Variants in MAPK10 observed in about 807,000 individuals in gnomAD.
The protein encoded by MAPK10 is mitogen-activated protein kinase 10.
MAPK10 carries 25 observed loss-of-function variants against 59.3 expected under a neutral mutation model. The observed-to-expected ratio is 0.42, with a 90% CI of 0.31 to 0.59. The LOEUF (loss-of-function observed/expected upper bound fraction) is 0.59, where lower values mean the gene tolerates loss of function less well. MAPK10 is among the 20% of genes least tolerant of loss of function. The probability of loss-of-function intolerance (pLI) is 0.15; values close to 1 mark genes in which losing one functional copy is unlikely to be tolerated. For synonymous variants in MAPK10, 190 were observed against 200.5 expected (o/e 0.95, Z 0.44); for missense variants, 351 against 568.9 (o/e 0.62, Z 3.90).
intron 1 of MAPK10, among the ~76,000 whole-genome samples, chr4:86,585,247 T>C (rs1159062228): frequency 6.6e-6 from 1 of 152,164 alleles, no homozygotes; most frequent in Non-Finnish European, 1.5e-5. Flanking sequence ...GCAGTAGTAA[T>C]CTCTCTTCAT....
At chr4:86,376,387 G>A (rs1578976570) in intron 1 of MAPK10, among the ~76,000 whole-genome samples, 2 of 152,126 alleles carry the variant, frequency 1.3e-5, no homozygotes. Flanking sequence ...CAAAGACTAA[G>A]TAAACACTGT....
At chr4:86,407,986 G>T (rs1050193508) in intron 1 of MAPK10, among the ~76,000 whole-genome samples, 1 of 152,024 alleles carries the variant, frequency 6.6e-6, no homozygotes, top group African/African-American at 2.4e-5. Context: ...TATGTGCCAT[G>T]TTGGTTTGCT....
chr4:86,056,839 C>T (rs1220314451), intron 11 of MAPK10, among the ~76,000 whole-genome samples: 1 of 149,452 alleles, frequency 6.7e-6, no homozygotes, highest in African/African-American at 2.5e-5. Context: ...AGATTGTATA[C>T]TTTTATGTTT....
chr4:86,250,245 G>T (rs2093342112), intron 2 of MAPK10, among the ~76,000 whole-genome samples: 1 of 152,138 alleles, frequency 6.6e-6, no homozygotes, highest in Admixed American at 6.6e-5. Context: ...TCTTGGGCAA[G>T]AAAGGGTTTT....
At chr4:86,136,675 C>T (rs1025069008) in intron 4 of MAPK10, among the ~76,000 whole-genome samples, 1 of 150,438 alleles carries the variant, frequency 6.6e-6, no homozygotes, top group African/African-American at 2.5e-5. Flanking sequence ...ATCAAATTCA[C>T]ACATAACAAT....
intron 2 of MAPK10, among the ~76,000 whole-genome samples, chr4:86,351,269 T>C (rs997308601): frequency 1.2e-4 from 18 of 150,314 alleles, no homozygotes; most frequent in South Asian, 4.2e-4. Flanking sequence ...TATATATATA[T>C]ACACACACAC....
rs190396389 is a variant in MAPK10, at chr4:86,342,369, A to T, written c.-7+12161T>A. ...GCCTTTTTGGAATTGACTGAGAACA[A>T]GTTTGCTGTGTAGGCGTTTCGTGGT... On this transcript the variant is annotated intron_variant, in intron 2 of 13. Transcript: ENST00000641462. Among the ~76,000 whole-genome samples, 3 of 152,326 alleles carry T rather than the reference A, an allele frequency of 2.0e-5. No individual in the cohort carries two copies. In the East Asian group the frequency reaches 5.8e-4, roughly 29 times the overall value.
At chr4:86,326,089 G>A (rs1297078906) in intron 2 of MAPK10, 1 of 152,186 alleles carries the variant, frequency 6.6e-6, no homozygotes, top group East Asian at 1.9e-4. Flanking sequence ...GGAAACTCCA[G>A]GAAGACCTTC....
At chr4:86,379,796 G>T (rs982016806) in intron 1 of MAPK10, among the ~76,000 whole-genome samples, 1 of 152,000 alleles carries the variant, frequency 6.6e-6, no homozygotes. Flanking sequence ...ATCTCTGTTC[G>T]AGGCTCTCAG....
chr4:86,519,215 C>T (rs1295626081), intron 1 of MAPK10, among the ~76,000 whole-genome samples: 1 of 152,106 alleles, frequency 6.6e-6, no homozygotes, highest in Non-Finnish European at 1.5e-5. Flanking sequence ...AGTGGAGTAT[C>T]GAAGTCCTCC....
chr4:86,452,830 CAGA>C (rs549478357), intron 1 of MAPK10, among the ~76,000 whole-genome samples: 79 of 152,182 alleles, frequency 5.2e-4, no homozygotes, highest in South Asian at 2.1e-3. Context: ...ACTTTTGCTC[CAGA>C]AGGACTGCAG....
Position 86,015,249 on chromosome 4 carries a change from C to T in MAPK10, c.*1979G>A, listed in dbSNP as rs1231005973. 3 of 152,144 alleles carry T rather than the reference C, an allele frequency of 2.0e-5. No individual in the cohort carries two copies. The highest frequency in any genetic ancestry group is 7.2e-5 in the African/African-American group (3 of 41,428). The allele number at this position is 152,144 out of a possible 1,614,324, so 9.4% of individuals were successfully genotyped here. On this transcript the variant is annotated 3_prime_UTR_variant, in exon 14 of 14. Transcript: ENST00000641462. ...TGAAATAATCTCAGAATGGCAGCAC[C>T]ACTGGCATGGCGATGGTGCAGGTGG...
At chr4:86,135,180 C>A (rs2061737103) in intron 4 of MAPK10, among the ~76,000 whole-genome samples, 1 of 152,222 alleles carries the variant, frequency 6.6e-6, no homozygotes. Context: ...GGGTGGAGCC[C>A]ACCACAGCTC....
chr4:86,372,564 G>GGAAAAGAAAAGAAAAGAAAAGAAAAGA (rs1554253763), intron 1 of MAPK10, among the ~76,000 whole-genome samples: 5 of 78,690 alleles, frequency 6.4e-5, no homozygotes, highest in African/African-American at 1.8e-4. Context: ...AAGAAAGAAA[G>GGAAAAGAAAAGAAAAGAAAAGAAAAGA]AAAGAAAAGA....
intron 1 of MAPK10, among the ~76,000 whole-genome samples, chr4:86,391,964 C>CAGGATTGAGTATTAGACCTATA (rs1742253022): frequency 6.6e-6 from 1 of 152,186 alleles, no homozygotes; most frequent in African/African-American, 2.4e-5. Flanking sequence ...GTGGCAATTT[C>CAGGATTGAGTATTAGACCTATA]AGGATTGAGT....
intron 1 of MAPK10, among the ~76,000 whole-genome samples, chr4:86,552,506 G>GAAGA (rs1759918120): frequency 2.3e-5 from 1 of 42,802 alleles, no homozygotes; most frequent in Non-Finnish European, 4.7e-5. Context: ...GGAAGGAAAG[G>GAAGA]AAGGAAGGAA....
chr4:86,172,230 A>G (rs1437909355), intron 3 of MAPK10, among the ~76,000 whole-genome samples: 1 of 141,908 alleles, frequency 7.0e-6, no homozygotes, highest in Non-Finnish European at 1.5e-5. Context: ...CTGGGTATAT[A>G]CCCAAAGGAC....
chr4:86,043,966 G>A (rs1289503055), intron 11 of MAPK10, among the ~76,000 whole-genome samples: 4 of 152,112 alleles, frequency 2.6e-5, no homozygotes, highest in African/African-American at 9.7e-5. Context: ...CAATGTCTGT[G>A]TTCTTTGCAT....
At chr4:86,107,381 TAAG>T in intron 4 of MAPK10, 29 bp from the exon 5 acceptor site, 2 of 1,593,520 alleles carry the variant, frequency 1.3e-6, no homozygotes, top group Non-Finnish European at 1.7e-6. Context: ...AACTCAGAAT[TAAG>T]AACAAAAGAT....
Sources: allele counts gnomAD v4.1 joint callset (sites outside exome capture counted in the v4.1 genomes callset), GRCh38; gene constraint gnomAD v4.1.1; transcripts MANE v1.5; gene names NCBI Gene and HGNC (gene_info 2026-07-23, HGNC 2026-07-21).